PPFIA2: variants seen among roughly 807,000 people sequenced by gnomAD.
The protein encoded by PPFIA2 is PPFI scaffold protein A2, also known as liprin-alpha-2.
Under a neutral mutation model 175.5 loss-of-function variants are expected in PPFIA2, and 46 were observed. That is an observed-to-expected ratio of 0.26 (90% CI 0.21 to 0.34). The LOEUF (loss-of-function observed/expected upper bound fraction) is 0.34, where lower values mean the gene tolerates loss of function less well. Among genes scored for constraint, PPFIA2 ranks in the 10% least tolerant of loss-of-function variants. The pLI is 1.00. For missense variants in PPFIA2, 1,179 were observed against 1,506.1 expected, an observed-to-expected ratio of 0.78 and a Z score of 3.60; for synonymous variants, 568 against 511.4, an observed-to-expected ratio of 1.11 and a Z score of -1.49.
At chr12:81,746,314 A>G (rs1568111083) in intron 3 of PPFIA2, among the ~76,000 whole-genome samples, 1 of 144,590 alleles carries the variant, frequency 6.9e-6, no homozygotes. Flanking sequence ...CTAAAAGAGT[A>G]TGGTATCATG....
intron 3 of PPFIA2, among the ~76,000 whole-genome samples, chr12:81,701,890 T>C (rs1432099869): frequency 1.9e-5 from 2 of 106,116 alleles, no homozygotes; most frequent in Non-Finnish European, 3.8e-5. Flanking sequence ...CCCATAAGAG[T>C]AAACTATACA....
At chr12:81,647,776 T>TA (rs1453405332) in intron 4 of PPFIA2, among the ~76,000 whole-genome samples, 6 of 138,158 alleles carry the variant, frequency 4.3e-5, no homozygotes, top group Non-Finnish European at 9.3e-5. Flanking sequence ...TATATATATA[T>TA]ATAATATACA....
At chr12:81,657,304 A>T (rs1200014352) in intron 4 of PPFIA2, among the ~76,000 whole-genome samples, 1 of 152,232 alleles carries the variant, frequency 6.6e-6, no homozygotes, top group East Asian at 1.9e-4. Context: ...AATACTAATG[A>T]CAGAACAGGG....
At chr12:81,268,950 A>G (rs2038258924) in intron 28 of PPFIA2, among the ~76,000 whole-genome samples, 1 of 152,234 alleles carries the variant, frequency 6.6e-6, no homozygotes, top group African/African-American at 2.4e-5. Flanking sequence ...TTATATTTCA[A>G]TGCATTTTTC....
chr12:81,375,303 A>C (rs996992636), intron 10 of PPFIA2, among the ~76,000 whole-genome samples: 10 of 152,156 alleles, frequency 6.6e-5, no homozygotes, highest in Admixed American at 3.9e-4. Flanking sequence ...GCTGTGTTCC[A>C]ATAAGACTTT....
At chr12:81,590,753 C>A (rs938896684) in intron 4 of PPFIA2, among the ~76,000 whole-genome samples, 2 of 152,162 alleles carry the variant, frequency 1.3e-5, no homozygotes, top group Admixed American at 6.6e-5. Flanking sequence ...TTTAAGATGT[C>A]ATTTGCTCTT....
rs186484760 is a variant in PPFIA2, at chr12:81,652,248, G to A, written c.303+24543C>T. Among the ~76,000 whole-genome samples, 21 of 147,584 alleles carry A rather than the reference G, an allele frequency of 1.4e-4. No homozygotes were observed. In the Admixed American group the frequency reaches 1.4e-3, roughly 10 times the overall value. ...TTTAAAAAGTCATACTAGATAAACT[G>A]GCTGCAAAATTTAAAACAGAATACC... On this transcript the variant is annotated intron_variant, in intron 4 of 32. Coordinates refer to ENST00000549396, the MANE Select transcript of PPFIA2 (RefSeq NM_003625.5).
intron 17 of PPFIA2, among the ~76,000 whole-genome samples, chr12:81,349,037 C>T (rs909372705): frequency 6.6e-5 from 10 of 152,008 alleles, no homozygotes; most frequent in East Asian, 3.9e-4. Flanking sequence ...TAAATTTATT[C>T]GCTAAATTTA....
intron 3 of PPFIA2, among the ~76,000 whole-genome samples, chr12:81,688,174 C>A (rs538128149): frequency 2.6e-5 from 4 of 151,860 alleles, no homozygotes; most frequent in Non-Finnish European, 5.9e-5. Context: ...AATGAGTAAT[C>A]TTTTTGCTGT....
At chr12:81,701,909 G>C (rs1311630829) in intron 3 of PPFIA2, among the ~76,000 whole-genome samples, 2 of 118,470 alleles carry the variant, frequency 1.7e-5, no homozygotes, top group Non-Finnish European at 3.6e-5. Flanking sequence ...CACTTTATGG[G>C]AAGACTAAAA....
rs2052158858 is a variant in PPFIA2, at chr12:81,449,900, TGTCCTTGC to T, written c.406-4188_406-4181del. ...TGAAAACATGCGGTGTTTGGTTTTT[TGTCCTTGC>T]AATAGTTTGCTGAGAATGATGGTTT... On this transcript the variant is annotated intron_variant, in intron 5 of 32. Transcript: ENST00000549396. 2.0e-5 allele frequency among the ~76,000 whole-genome samples: 3 copies of T among 151,818 alleles called. No homozygotes were observed. The South Asian group carries it at 6.2e-4, about 32-fold the overall frequency.
intron 4 of PPFIA2, among the ~76,000 whole-genome samples, chr12:81,524,241 A>G (rs964533491): frequency 6.6e-6 from 1 of 152,152 alleles, no homozygotes; most frequent in African/African-American, 2.4e-5. Context: ...GAGCAACCAG[A>G]GTTCTATTCC....
chr12:81,485,483 C>G (rs2058713035), intron 4 of PPFIA2, among the ~76,000 whole-genome samples: 1 of 151,684 alleles, frequency 6.6e-6, no homozygotes, highest in African/African-American at 2.4e-5. Context: ...AGAGTACTTT[C>G]CCCAAATAAC....
intron 4 of PPFIA2, among the ~76,000 whole-genome samples, chr12:81,621,291 A>G (rs1008825937): frequency 1.7e-4 from 26 of 152,208 alleles, no homozygotes; most frequent in Admixed American, 1.5e-3. Context: ...AGAGGGGTTT[A>G]TCCAAACTGA....
At chr12:81,718,559 AC>A (rs1172459963) in intron 3 of PPFIA2, among the ~76,000 whole-genome samples, 1 of 151,576 alleles carries the variant, frequency 6.6e-6, no homozygotes, top group Non-Finnish European at 1.5e-5. Flanking sequence ...TACTTGTAGA[AC>A]CCAGACGGGC....
At chr12:81,687,254 C>T (rs1331004150) in intron 3 of PPFIA2, among the ~76,000 whole-genome samples, 1 of 151,988 alleles carries the variant, frequency 6.6e-6, no homozygotes, top group Admixed American at 6.6e-5. Context: ...TGTCATCATA[C>T]ATTTCTGAAC....
chr12:81,611,311 C>G lies in PPFIA2; in HGVS notation c.303+65480G>C, dbSNP rs537765202. ...GCATACTCCACTCCTACCTGGGGCCCGGGACCCAGCAACTGGCCCCTCTCA... is the reference window on the plus strand; with the variant it reads ...GCATACTCCACTCCTACCTGGGGCCGGGGACCCAGCAACTGGCCCCTCTCA... On this transcript the variant is annotated intron_variant, in intron 4 of 32. Transcript: ENST00000549396. Among the ~76,000 whole-genome samples, 14 of 152,252 alleles carry G rather than the reference C, an allele frequency of 9.2e-5. No homozygotes were observed. In the East Asian group the frequency reaches 2.7e-3, roughly 30 times the overall value.
chr12:81,715,228 T>C lies in PPFIA2; in HGVS notation c.250-38384A>G, dbSNP rs2078445265. Among the ~76,000 whole-genome samples the C allele has an allele frequency of 1.3e-5, 2 of 151,726 alleles. 1 individual carries two copies. The highest frequency in any genetic ancestry group is 1.3e-4 in the Admixed American group (2 of 15,148). On this transcript the variant is annotated intron_variant, in intron 3 of 32. Transcript: ENST00000549396. ...TAGGATTCTAGTCCTAGGAATACTC[T>C]TTGTACATTTGGTAAGACTGTGTGA...
At chr12:81,743,863 T>C (rs2082679893) in intron 3 of PPFIA2, among the ~76,000 whole-genome samples, 1 of 152,166 alleles carries the variant, frequency 6.6e-6, no homozygotes, top group Admixed American at 6.5e-5. Flanking sequence ...AAAATATAGA[T>C]AGCAACTCTA....
Sources: allele counts gnomAD v4.1 joint callset (sites outside exome capture counted in the v4.1 genomes callset), GRCh38; gene constraint gnomAD v4.1.1; transcripts MANE v1.5; gene names NCBI Gene and HGNC (gene_info 2026-07-23, HGNC 2026-07-21).